The following PRKG1 variants were observed in gnomAD, a reference collection of about 807,000 sequenced individuals.
PRKG1 encodes the protein cGMP-dependent protein kinase 1.
PRKG1 carries 35 observed loss-of-function variants against 88.1 expected under a neutral mutation model. The observed-to-expected ratio is 0.40, with a 90% CI of 0.30 to 0.53. PRKG1 has a LOEUF of 0.53. Among genes scored for constraint, PRKG1 ranks in the 20% least tolerant of loss-of-function variants. The probability of loss-of-function intolerance (pLI) is 0.59; values close to 1 mark genes in which losing one functional copy is unlikely to be tolerated. For missense variants in PRKG1, 540 were observed against 839.8 expected (o/e 0.64, Z 4.41); for synonymous variants, 303 against 292.5 (o/e 1.04, Z -0.37).
Position 51,759,329 on chromosome 10 carries a change from C to T in PRKG1, c.593-45256C>T, listed in dbSNP as rs181988729. 6.7e-3 allele frequency among the ~76,000 whole-genome samples: 1,022 copies of T among 151,716 alleles called. 4 individuals are homozygous for T. Among genetic ancestry groups the T allele is most frequent in the Non-Finnish European group, 9.2e-3 (624 of 67,940 alleles). ...TCGCCCAGGCTGGAGTGTGATGGTG[C>T]GATCTCGGCTCACTGCAACCTCCAC... On this transcript the variant is annotated intron_variant, in intron 3 of 17. Coordinates refer to ENST00000373980, the MANE Select transcript of PRKG1 (RefSeq NM_006258.4).
chr10:51,865,568 A>C (rs1014064667), intron 4 of PRKG1, among the ~76,000 whole-genome samples: 4 of 152,086 alleles, frequency 2.6e-5, no homozygotes, highest in Non-Finnish European at 5.9e-5. Flanking sequence ...TATTAGAAAA[A>C]AATGTAATTA....
chr10:52,097,427 A>G (rs1847197728), intron 7 of PRKG1, among the ~76,000 whole-genome samples: 1 of 152,118 alleles, frequency 6.6e-6, no homozygotes, highest in South Asian at 2.1e-4. Context: ...TTAATATATG[A>G]TTTATTAAAT....
intron 2 of PRKG1, among the ~76,000 whole-genome samples, chr10:51,234,241 C>T (rs1473245627): frequency 3.3e-5 from 5 of 152,126 alleles, no homozygotes; most frequent in Non-Finnish European, 7.4e-5. Flanking sequence ...GGAACCCACC[C>T]GTCTTTCTGT....
intron 4 of PRKG1, among the ~76,000 whole-genome samples, chr10:51,822,003 C>T (rs1203208599): frequency 6.6e-6 from 1 of 152,004 alleles, no homozygotes; most frequent in Admixed American, 6.6e-5. Flanking sequence ...ATCTGCACTC[C>T]ATATTTACTA....
intron 2 of PRKG1, among the ~76,000 whole-genome samples, chr10:51,222,263 A>G (rs1031161244): frequency 1.4e-4 from 21 of 151,768 alleles, no homozygotes; most frequent in Non-Finnish European, 4.4e-5. Context: ...TCACTTGTCT[A>G]CTCTAAGACC....
At chr10:51,843,670 C>A (rs957135432) in intron 4 of PRKG1, among the ~76,000 whole-genome samples, 16 of 152,310 alleles carry the variant, frequency 1.1e-4, no homozygotes, top group Admixed American at 2.6e-4. Flanking sequence ...TGGCTTTCAA[C>A]AGGGAATTCC....
At chr10:51,822,753 C>A (rs1194090683) in intron 4 of PRKG1, among the ~76,000 whole-genome samples, 3 of 152,094 alleles carry the variant, frequency 2.0e-5, no homozygotes, top group Non-Finnish European at 4.4e-5. Flanking sequence ...TGTGGTCATC[C>A]CCCTGTGTTT....
chr10:51,419,027 C>A lies in PRKG1; in HGVS notation c.479-48696C>A, dbSNP rs187159067. Among the ~76,000 whole-genome samples, 152 of 152,112 alleles carry A rather than the reference C, an allele frequency of 1.0e-3. 1 individual carries two copies. The highest frequency in any genetic ancestry group is 9.3e-3 in the Admixed American group (142 of 15,270). ...GTAGTTATTTCTGATAAGGAAGAAA[C>A]ATTTGTTAATCCAATAGGAAACCAT... is the stretch of plus-strand genomic sequence containing the variant. On this transcript the variant is annotated intron_variant, in intron 2 of 17. Coordinates refer to ENST00000373980, the MANE Select transcript of PRKG1 (RefSeq NM_006258.4).
chr10:51,598,086 C>T (rs1838501966), intron 3 of PRKG1, among the ~76,000 whole-genome samples: 1 of 152,108 alleles, frequency 6.6e-6, no homozygotes, highest in Non-Finnish European at 1.5e-5. Context: ...GAGGAGCTAG[C>T]ATTGGTCATC....
intron 3 of PRKG1, among the ~76,000 whole-genome samples, chr10:51,601,506 G>C (rs1363671746): frequency 6.6e-6 from 1 of 152,136 alleles, no homozygotes; most frequent in South Asian, 2.1e-4. Flanking sequence ...GGTTCCACCC[G>C]GCAGGGTATG....
At chr10:51,549,544 G>A (rs111396295) in intron 3 of PRKG1, among the ~76,000 whole-genome samples, 44 of 152,090 alleles carry the variant, frequency 2.9e-4, no homozygotes, top group African/African-American at 1.0e-3. Context: ...AAGCATTGTT[G>A]CCTTCAAGGA....
chr10:51,519,461 T>G (rs1260980119), intron 3 of PRKG1, among the ~76,000 whole-genome samples: 1 of 152,134 alleles, frequency 6.6e-6, no homozygotes, highest in South Asian at 2.1e-4. Context: ...CTAAGAACTT[T>G]CTTACATTTT....
intron 3 of PRKG1, among the ~76,000 whole-genome samples, chr10:51,667,573 G>A (rs1392974256): frequency 1.6e-5 from 2 of 123,144 alleles, no homozygotes; most frequent in East Asian, 6.5e-4. Context: ...TATTTTTAAA[G>A]CTCACATTTT....
At chr10:51,792,904 G>A (rs887442808) in intron 3 of PRKG1, among the ~76,000 whole-genome samples, 2 of 151,952 alleles carry the variant, frequency 1.3e-5, no homozygotes, top group East Asian at 3.9e-4. Context: ...TAAAGACAGA[G>A]GGTAGTTCTG....
chr10:51,364,706 T>C (rs1467204915), intron 2 of PRKG1, among the ~76,000 whole-genome samples: 1 of 151,938 alleles, frequency 6.6e-6, no homozygotes, highest in Non-Finnish European at 1.5e-5. Flanking sequence ...AAATAATAAT[T>C]CTTTGGTGTA....
At chr10:51,193,335 A>G (rs1389152553) in intron 2 of PRKG1, among the ~76,000 whole-genome samples, 4 of 151,994 alleles carry the variant, frequency 2.6e-5, no homozygotes, top group Non-Finnish European at 5.9e-5. Flanking sequence ...CCCACCCTAT[A>G]TACACTGATT....
intron 2 of PRKG1, among the ~76,000 whole-genome samples, chr10:51,260,577 G>C (rs12259761): frequency 0.11 from 17,123 of 152,186 alleles, 1,327 homozygotes; most frequent in African/African-American, 0.22. Context: ...AGCATGCCCT[G>C]CAAAAATGCT....
rs562772798 is a variant in PRKG1, at chr10:51,362,745, G to A, written c.479-104978G>A. Among the ~76,000 whole-genome samples the A allele has an allele frequency of 1.9e-4, 29 of 151,716 alleles. No individual in the cohort carries two copies. In the South Asian group the frequency reaches 5.6e-3, roughly 29 times the overall value. ...CTGCACCCATCAACCCATCGTCTAC[G>A]TTAGGTATTTCTCCTAATGCTATCC... On this transcript the variant is annotated intron_variant, in intron 2 of 17. Coordinates refer to ENST00000373980, the MANE Select transcript of PRKG1 (RefSeq NM_006258.4).
At chr10:51,254,851 T>C (rs1204462546) in intron 2 of PRKG1, among the ~76,000 whole-genome samples, 3 of 152,044 alleles carry the variant, frequency 2.0e-5, no homozygotes, top group African/African-American at 7.2e-5. Context: ...AGATCTATGG[T>C]ATGCTCTTTG....
Sources: allele counts gnomAD v4.1 joint callset (sites outside exome capture counted in the v4.1 genomes callset), GRCh38; gene constraint gnomAD v4.1.1; transcripts MANE v1.5; gene names NCBI Gene and HGNC (gene_info 2026-07-23, HGNC 2026-07-21).